CDH13: variants seen among roughly 807,000 people sequenced by gnomAD.
CDH13 encodes cadherin 13.
A neutral mutation model predicts 63.8 loss-of-function variants in CDH13; 24 were observed. The ratio of observed to expected loss-of-function variants is 0.38; its 90% CI spans 0.27 to 0.53. CDH13 has a LOEUF of 0.53. Among genes scored for constraint, CDH13 ranks in the 20% least tolerant of loss-of-function variants. The probability of loss-of-function intolerance (pLI) is 0.85; values close to 1 mark genes in which losing one functional copy is unlikely to be tolerated. For synonymous variants in CDH13, 503 were observed against 355.3 expected (o/e 1.42, Z -4.67); for missense variants, 1,049 against 903.1 (o/e 1.16, Z -2.07).
chr16:82,847,274 A>G (rs2039301389), intron 1 of CDH13, among the ~76,000 whole-genome samples: 1 of 152,232 alleles, frequency 6.6e-6, no homozygotes, highest in Non-Finnish European at 1.5e-5. Flanking sequence ...ATAGTATTGT[A>G]CAGTTTTGAA....
chr16:83,044,130 G>T (rs181542996), intron 3 of CDH13, among the ~76,000 whole-genome samples: 5 of 152,170 alleles, frequency 3.3e-5, no homozygotes, highest in Non-Finnish European at 7.3e-5. Flanking sequence ...ACATCCATCT[G>T]TTTTTCTCCT....
chr16:83,519,686 A>G (rs2074783709), intron 7 of CDH13, among the ~76,000 whole-genome samples: 1 of 152,216 alleles, frequency 6.6e-6, no homozygotes, highest in Non-Finnish European at 1.5e-5. Context: ...AGCCTAAAAT[A>G]TTCTAGGCAA....
At chr16:82,872,069 T>G (rs748585700) in intron 2 of CDH13, among the ~76,000 whole-genome samples, 4 of 152,220 alleles carry the variant, frequency 2.6e-5, no homozygotes, top group Non-Finnish European at 5.9e-5. Flanking sequence ...AAGGAAATGA[T>G]GCTGGGCTGG....
At chr16:83,078,558 C>T (rs1181014579) in intron 3 of CDH13, among the ~76,000 whole-genome samples, 2 of 152,208 alleles carry the variant, frequency 1.3e-5, no homozygotes, top group Non-Finnish European at 2.9e-5. Flanking sequence ...AGGCACATCT[C>T]CTGCTGTCCG....
At chr16:82,627,337 C>CGTGCGTGT (rs1555525839) in intron 1 of CDH13, among the ~76,000 whole-genome samples, 200 bp downstream of exon 1, 7,632 of 131,038 alleles carry the variant, frequency 0.058, 357 homozygotes, top group Non-Finnish European at 0.083. Flanking sequence ...CTCTGGCGTG[C>CGTGCGTGT]GTGTGTGTGT....
chr16:82,761,168 C>T (rs1054334376), intron 1 of CDH13, among the ~76,000 whole-genome samples: 17 of 151,532 alleles, frequency 1.1e-4, no homozygotes, highest in Non-Finnish European at 1.5e-5. Context: ...GGAGTACAGG[C>T]ATGTGCTACC....
chr16:83,795,078 GAAA>G lies in CDH13; in HGVS notation c.*57_*59del, dbSNP rs11311412. On this transcript the variant is annotated 3_prime_UTR_variant, in exon 14 of 14. Coordinates refer to ENST00000567109, the MANE Select transcript of CDH13 (RefSeq NM_001257.5). ...GACTCCCAAGTTTCCATAGCAACAG[GAAA>G]AAAAAAAATCTATCCAAATCTGAAG... The G allele has an allele frequency of 7.8e-6, 10 of 1,277,414 alleles. No homozygotes were observed. Among genetic ancestry groups the G allele is most frequent in the Non-Finnish European group, 9.4e-6 (9 of 953,612 alleles). The allele number at this position is 1,277,414 out of a possible 1,614,324, so 79.1% of individuals were successfully genotyped here. A position where few individuals can be genotyped will look rare whatever the true frequency, so the allele number is the denominator to read the frequency against.
intron 6 of CDH13, among the ~76,000 whole-genome samples, chr16:83,423,020 C>T (rs1351440506): frequency 2.0e-5 from 3 of 152,148 alleles, no homozygotes; most frequent in African/African-American, 7.2e-5. Context: ...CAGAAAGCTT[C>T]ATTTTTGTGT....
chr16:82,830,514 G>A (rs2038487397), intron 1 of CDH13, among the ~76,000 whole-genome samples: 1 of 152,132 alleles, frequency 6.6e-6, no homozygotes, highest in Admixed American at 6.6e-5. Context: ...GTAAAAAGAG[G>A]ATCTACAGTG....
rs759238010 is a variant in CDH13 at position 83,647,665 on chromosome 16, C to T, written c.1102-23125C>T. On this transcript the variant is annotated intron_variant, in intron 8 of 13. Coordinates refer to ENST00000567109, the MANE Select transcript of CDH13 (RefSeq NM_001257.5). Reference sequence around the variant, plus strand: ...GAAAATTGACAGATTTTTCCATATTCGGGGATTATCTAGAATATGATTCCC... The same window carrying T: ...GAAAATTGACAGATTTTTCCATATTTGGGGATTATCTAGAATATGATTCCC... 3.3e-5 allele frequency among the ~76,000 whole-genome samples: 5 copies of T among 152,260 alleles called. No individual in the cohort carries two copies. The East Asian group carries it at 9.7e-4, about 29-fold the overall frequency.
chr16:82,910,171 T>A (rs897900648), intron 2 of CDH13, among the ~76,000 whole-genome samples: 7 of 152,236 alleles, frequency 4.6e-5, no homozygotes, highest in Non-Finnish European at 1.0e-4. Flanking sequence ...ATCCTGCTGC[T>A]GACCTGCATG....
chr16:83,514,448 A>G (rs1437199760), intron 7 of CDH13, among the ~76,000 whole-genome samples: 1 of 152,226 alleles, frequency 6.6e-6, no homozygotes, highest in Non-Finnish European at 1.5e-5. Flanking sequence ...GTTTGAGACC[A>G]GCCTGGCCAA....
At chr16:82,803,567 G>A (rs1290834199) in intron 1 of CDH13, among the ~76,000 whole-genome samples, 8 of 152,158 alleles carry the variant, frequency 5.3e-5, no homozygotes, top group South Asian at 2.1e-4. Context: ...GCTCTAAGTC[G>A]TTTAGGTGTG....
At chr16:82,898,173 T>C (rs547034110) in intron 2 of CDH13, among the ~76,000 whole-genome samples, 5 of 152,364 alleles carry the variant, frequency 3.3e-5, no homozygotes, top group African/African-American at 1.2e-4. Flanking sequence ...CGAAACATAT[T>C]GTTAAAATTA....
At chr16:83,569,519 C>G (rs769975851) in intron 7 of CDH13, among the ~76,000 whole-genome samples, 1 of 152,172 alleles carries the variant, frequency 6.6e-6, no homozygotes, top group Non-Finnish European at 1.5e-5. Context: ...AATAATACAT[C>G]TAGTAAAAAT....
intron 3 of CDH13, among the ~76,000 whole-genome samples, chr16:83,039,306 G>A (rs1917135480): frequency 6.6e-6 from 1 of 152,192 alleles, no homozygotes; most frequent in Non-Finnish European, 1.5e-5. Context: ...AAGGTCCTTT[G>A]TGGTTTAGCC....
intron 3 of CDH13, among the ~76,000 whole-genome samples, chr16:83,090,129 A>T (rs1426580154): frequency 1.3e-5 from 2 of 152,152 alleles, no homozygotes; most frequent in Non-Finnish European, 2.9e-5. Flanking sequence ...AAAAGCCTAC[A>T]GCTTCCTCCT....
chr16:83,347,658 C>G (rs535524866), intron 6 of CDH13, among the ~76,000 whole-genome samples: 76 of 152,262 alleles, frequency 5.0e-4, no homozygotes, highest in African/African-American at 1.8e-3. Context: ...AACTGAACAT[C>G]AAAGAGGCTC....
intron 4 of CDH13, among the ~76,000 whole-genome samples, chr16:83,204,989 C>T (rs943922559): frequency 1.3e-5 from 2 of 152,240 alleles, no homozygotes; most frequent in Non-Finnish European, 2.9e-5. Context: ...TGGCCACATC[C>T]AGGTCCAAAT....
Sources: gnomAD v4.1 joint callset for allele counts (sites outside exome capture counted in the v4.1 genomes callset) on GRCh38, gnomAD v4.1.1 for gene constraint, MANE v1.5 for transcripts, NCBI Gene and HGNC (gene_info 2026-07-23, HGNC 2026-07-21) for gene names.